Variants in MACROD2 observed in about 807,000 individuals in gnomAD.
MACROD2 encodes the protein ADP-ribose glycohydrolase MACROD2.
Under a neutral mutation model 70.4 loss-of-function variants are expected in MACROD2, and 36 were observed. The observed-to-expected ratio is 0.51, with a 90% CI of 0.39 to 0.68. MACROD2 has a LOEUF of 0.68. MACROD2 is among the 30% of genes least tolerant of loss of function. The pLI, the probability that MACROD2 is intolerant of heterozygous loss-of-function variation, is 0.00. For missense variants in MACROD2, 496 were observed against 538.4 expected (o/e 0.92, Z 0.78); for synonymous variants, 172 against 178.8 (o/e 0.96, Z 0.30).
intron 3 of MACROD2, among the ~76,000 whole-genome samples, chr20:14,193,456 T>C (rs2081404644): frequency 6.6e-6 from 1 of 152,114 alleles, no homozygotes; most frequent in Admixed American, 6.5e-5. Flanking sequence ...CTTAGATAGC[T>C]CAAAAGAAGA....
intron 10 of MACROD2, among the ~76,000 whole-genome samples, chr20:15,915,309 C>G (rs2065298115): frequency 1.3e-5 from 2 of 152,036 alleles, no homozygotes; most frequent in South Asian, 2.1e-4. Context: ...CCAAGAACCA[C>G]CTTATTATTA....
At chr20:15,564,679 A>C (rs139391571) in intron 8 of MACROD2, among the ~76,000 whole-genome samples, 1 of 152,322 alleles carries the variant, frequency 6.6e-6, no homozygotes, top group East Asian at 1.9e-4. Flanking sequence ...TTTTATTTTA[A>C]TATAATCACA....
chr20:14,123,270 T>C (rs2327828), intron 3 of MACROD2, among the ~76,000 whole-genome samples: 151,272 of 152,236 alleles, frequency 0.99, 75,166 homozygotes, highest in East Asian at 1. Flanking sequence ...GTTTTTGTCC[T>C]TGATAAATCA....
At chr20:15,462,973 C>T (rs933814934) in intron 7 of MACROD2, among the ~76,000 whole-genome samples, 3 of 152,250 alleles carry the variant, frequency 2.0e-5, no homozygotes, top group African/African-American at 4.8e-5. Flanking sequence ...AATTTGGTAA[C>T]GTTTAAAAAG....
chr20:14,025,902 T>C (rs1031456497), intron 2 of MACROD2, among the ~76,000 whole-genome samples: 1 of 152,206 alleles, frequency 6.6e-6, no homozygotes, highest in Non-Finnish European at 1.5e-5. Context: ...ATATCCTTGT[T>C]AATTTTATGT....
intron 5 of MACROD2, among the ~76,000 whole-genome samples, chr20:15,228,236 ATT>A (rs1244793460): frequency 6.6e-6 from 1 of 152,006 alleles, no homozygotes; most frequent in African/African-American, 2.4e-5. Context: ...TCACTTCTAT[ATT>A]GTAGTGGTTC....
chr20:15,307,581 A>G (rs928680481), intron 6 of MACROD2, among the ~76,000 whole-genome samples: 3 of 152,146 alleles, frequency 2.0e-5, no homozygotes, highest in Admixed American at 1.3e-4. Context: ...TATGAACATA[A>G]TGCCCTTTAC....
At chr20:15,253,435 C>G (rs1012163334) in intron 6 of MACROD2, among the ~76,000 whole-genome samples, 2 of 152,204 alleles carry the variant, frequency 1.3e-5, no homozygotes, top group Non-Finnish European at 1.5e-5. Flanking sequence ...AGCAACTACA[C>G]AGTTCCAAGA....
chr20:14,989,968 C>G (rs139880927), intron 5 of MACROD2, among the ~76,000 whole-genome samples: 2 of 152,124 alleles, frequency 1.3e-5, no homozygotes, highest in African/African-American at 4.8e-5. Context: ...TGGGGATCTT[C>G]ATGAGCTGTG....
chr20:15,555,069 A>G (rs959183282), intron 8 of MACROD2, among the ~76,000 whole-genome samples: 22 of 152,202 alleles, frequency 1.4e-4, no homozygotes, highest in African/African-American at 5.1e-4. Context: ...GCAAATCTCT[A>G]AAGACAGAGT....
intron 8 of MACROD2, among the ~76,000 whole-genome samples, chr20:15,832,014 A>C (rs1399309032): frequency 6.6e-6 from 1 of 152,116 alleles, no homozygotes; most frequent in Non-Finnish European, 1.5e-5. Context: ...TTACACTGAG[A>C]CTAGAGCTGA....
At chr20:14,621,194 A>C (rs1440800850) in intron 4 of MACROD2, among the ~76,000 whole-genome samples, 2 of 152,124 alleles carry the variant, frequency 1.3e-5, no homozygotes, top group African/African-American at 4.8e-5. Flanking sequence ...AATGCTTTGA[A>C]AGTGCAAAGC....
intron 6 of MACROD2, among the ~76,000 whole-genome samples, chr20:15,369,827 G>A (rs910243140): frequency 1.3e-5 from 2 of 152,098 alleles, no homozygotes; most frequent in Admixed American, 6.5e-5. Context: ...AATCATAAAT[G>A]AGTATAGGAT....
intron 7 of MACROD2, among the ~76,000 whole-genome samples, chr20:15,468,941 G>A (rs77945633): frequency 0.041 from 6,283 of 152,248 alleles, 214 homozygotes; most frequent in Non-Finnish European, 0.058. Flanking sequence ...TGTTCACTTT[G>A]CAAGACCTCC....
At chr20:15,438,265 C>T (rs2046452928) in intron 7 of MACROD2, among the ~76,000 whole-genome samples, 1 of 152,108 alleles carries the variant, frequency 6.6e-6, no homozygotes, top group Non-Finnish European at 1.5e-5. Context: ...TACTACTTTC[C>T]ACAATGGTTG....
intron 9 of MACROD2, among the ~76,000 whole-genome samples, chr20:15,875,320 C>A (rs554637789): frequency 2.9e-4 from 44 of 152,148 alleles, no homozygotes; most frequent in African/African-American, 1.0e-3. Flanking sequence ...TACATTTTCC[C>A]CCCAAATGAT....
At chr20:14,664,941 A>G (rs1221613139) in intron 4 of MACROD2, among the ~76,000 whole-genome samples, 2 of 152,120 alleles carry the variant, frequency 1.3e-5, no homozygotes, top group Non-Finnish European at 2.9e-5. Context: ...GTCTGAAGTT[A>G]GAGGGGTAAC....
intron 8 of MACROD2, among the ~76,000 whole-genome samples, chr20:15,538,886 C>T (rs1305989707): frequency 2.0e-5 from 3 of 151,832 alleles, no homozygotes; most frequent in African/African-American, 7.3e-5. Flanking sequence ...ATTTGCTACT[C>T]TACTGCTTTT....
intron 8 of MACROD2, among the ~76,000 whole-genome samples, chr20:15,628,779 C>A (rs2049244979): frequency 6.6e-6 from 1 of 152,198 alleles, no homozygotes; most frequent in Non-Finnish European, 1.5e-5. Context: ...GGAATGAAAA[C>A]CAGAGCCCTG....
Sources: gnomAD v4.1 joint callset for allele counts (sites outside exome capture counted in the v4.1 genomes callset) on GRCh38, gnomAD v4.1.1 for gene constraint, MANE v1.5 for transcripts, NCBI Gene and HGNC (gene_info 2026-07-23, HGNC 2026-07-21) for gene names.